The following SDK1 variants were observed in gnomAD, a reference collection of about 807,000 sequenced individuals.
The protein encoded by SDK1 is protein sidekick-1.
Under a neutral mutation model 245.5 loss-of-function variants are expected in SDK1, and 157 were observed. The ratio of observed to expected loss-of-function variants is 0.64; its 90% CI spans 0.56 to 0.73. SDK1 has a LOEUF of 0.73. Ranked by LOEUF, SDK1 falls within the 30% of genes least tolerant of loss-of-function variation. The probability of loss-of-function intolerance (pLI) is 0.00; values close to 1 mark genes in which losing one functional copy is unlikely to be tolerated. For missense variants in SDK1, 3,583 were observed against 3,002.3 expected (o/e 1.19, Z -4.52); for synonymous variants, 1,647 against 1,278.5 (o/e 1.29, Z -6.15).
At chr7:4,001,679 A>C (rs10241063) in intron 14 of SDK1, among the ~76,000 whole-genome samples, 45,124 of 152,180 alleles carry the variant, frequency 0.3, 7,075 homozygotes, top group African/African-American at 0.39. Flanking sequence ...TACAACAGAG[A>C]AAGTCTTCCC....
At chr7:4,161,931 AC>A in intron 32 of SDK1, 75 bp downstream of exon 32, 4 of 1,321,152 alleles carry the variant, frequency 3.0e-6, no homozygotes, top group Non-Finnish European at 4.4e-6. Flanking sequence ...ACAACGGCTG[AC>A]ATGGACTGCA....
At chr7:4,011,452 G>A (rs1190943836) in intron 15 of SDK1, among the ~76,000 whole-genome samples, 1 of 152,190 alleles carries the variant, frequency 6.6e-6, no homozygotes, top group Non-Finnish European at 1.5e-5. Flanking sequence ...CCCCACTGCC[G>A]GGTGGACGCT....
At chr7:3,723,939 TATATAGAGAGAGAGAGAGAGAG>T (rs1216583284) in intron 4 of SDK1, among the ~76,000 whole-genome samples, 1 of 116,712 alleles carries the variant, frequency 8.6e-6, no homozygotes, top group African/African-American at 3.3e-5. Context: ...TATATATATA[TATATAGAGAGAGAGAGAGAGAG>T]AGAGAGAGAG....
intron 4 of SDK1, among the ~76,000 whole-genome samples, chr7:3,747,729 G>A (rs1779666932): frequency 6.6e-6 from 1 of 151,904 alleles, no homozygotes; most frequent in African/African-American, 2.4e-5. Flanking sequence ...ATGGTGAGGG[G>A]TTTTCACTGA....
chr7:3,626,918 G>T (rs1782140272), intron 2 of SDK1, among the ~76,000 whole-genome samples: 1 of 145,824 alleles, frequency 6.9e-6, no homozygotes, highest in Admixed American at 7.0e-5. Flanking sequence ...CTTGACCTCA[G>T]GTTCAACAAT....
chr7:3,845,640 C>A (rs1167766017), intron 5 of SDK1, among the ~76,000 whole-genome samples: 8 of 151,482 alleles, frequency 5.3e-5, no homozygotes, highest in African/African-American at 1.9e-4. Context: ...AGGGTCTCTT[C>A]AGCAGTGGGC....
At chr7:3,875,584 G>A (rs555842011) in intron 5 of SDK1, among the ~76,000 whole-genome samples, 1 of 152,290 alleles carries the variant, frequency 6.6e-6, no homozygotes, top group Admixed American at 6.5e-5. Flanking sequence ...CCCCACTTCA[G>A]CTTCTTCTCC....
At chr7:3,689,823 G>C (rs779313195) in intron 4 of SDK1, among the ~76,000 whole-genome samples, 5 of 152,128 alleles carry the variant, frequency 3.3e-5, no homozygotes, top group Admixed American at 2.0e-4. Context: ...TTTTGAGTCT[G>C]TGTCTACACA....
At chr7:3,303,104 C>T (rs932809986) in intron 1 of SDK1, among the ~76,000 whole-genome samples, 7 of 152,124 alleles carry the variant, frequency 4.6e-5, no homozygotes, top group African/African-American at 1.7e-4. Flanking sequence ...TTATGTTTTA[C>T]TACATGAAAA....
chr7:3,798,671 C>T (rs80207471), intron 4 of SDK1, among the ~76,000 whole-genome samples: 2,509 of 152,228 alleles, frequency 0.016, 75 homozygotes, highest in African/African-American at 0.057. Context: ...GGTGGTCACT[C>T]GGCTAAGGCG....
At chr7:3,645,809 A>G (rs373775424) in intron 4 of SDK1, among the ~76,000 whole-genome samples, 2 of 152,170 alleles carry the variant, frequency 1.3e-5, no homozygotes, top group Non-Finnish European at 1.5e-5. Flanking sequence ...ATTTGACTCA[A>G]GGTGCTTCCC....
Position 4,266,991 on chromosome 7 carries a change from G to GC in SDK1, c.*1611dup, listed in dbSNP as rs1360015264. 1 of 985,442 alleles carries GC rather than the reference G, an allele frequency of 1.0e-6. No individual in the cohort carries two copies. Among genetic ancestry groups the GC allele is most frequent in the East Asian group, 1.1e-4 (1 of 8,822 alleles). 61.0% of individuals were successfully genotyped at this position (985,442 alleles called of 1,614,324 possible). A position where few individuals can be genotyped will look rare whatever the true frequency, so the allele number is the denominator to read the frequency against. ...CTCCTGGCCACATGCAGAAAGTGTG[G>GC]CCCCTGCTTACCTAGATGTTTTGTG... On this transcript the variant is annotated 3_prime_UTR_variant, in exon 45 of 45. Coordinates refer to ENST00000404826, the MANE Select transcript of SDK1 (RefSeq NM_152744.4).
In SDK1 at chr7:3,754,391, A is replaced by T. The variant is rs537040895; in HGVS notation, c.714-67059A>T. Among the ~76,000 whole-genome samples the T allele has an allele frequency of 2.0e-5, 3 of 152,344 alleles. No individual in the cohort carries two copies. In the East Asian group the frequency reaches 5.8e-4, roughly 29 times the overall value. ...TCCCCTGAAATTCAGGTAACTTAGC[A>T]AACTGTTACAGGTGGTGAGAAAGAA... On this transcript the variant is annotated intron_variant, in intron 4 of 44. Coordinates refer to ENST00000404826, the MANE Select transcript of SDK1 (RefSeq NM_152744.4).
intron 32 of SDK1, among the ~76,000 whole-genome samples, chr7:4,162,348 G>A (rs545286839): frequency 4.6e-4 from 59 of 129,348 alleles, no homozygotes; most frequent in Admixed American, 1.3e-3. Context: ...GGTGGTGGTG[G>A]TGGTGGTGGT....
intron 5 of SDK1, among the ~76,000 whole-genome samples, chr7:3,877,920 A>C (rs961561388): frequency 6.6e-6 from 1 of 152,238 alleles, no homozygotes; most frequent in African/African-American, 2.4e-5. Flanking sequence ...CTTACACATA[A>C]GTCTTTTAAT....
chr7:3,981,197 CCTGATCA>C (rs1397952011), intron 13 of SDK1, among the ~76,000 whole-genome samples: 2 of 152,106 alleles, frequency 1.3e-5, no homozygotes, highest in Admixed American at 1.3e-4. Context: ...GATGGCACTC[CCTGATCA>C]CTGATCTTGA....
At chr7:3,430,322 A>C (rs1432703884) in intron 1 of SDK1, among the ~76,000 whole-genome samples, 1 of 152,030 alleles carries the variant, frequency 6.6e-6, no homozygotes, top group African/African-American at 2.4e-5. Context: ...CCTAATTAGT[A>C]ATTAAGGTTA....
At chr7:3,688,269 G>C (rs1387290862) in intron 4 of SDK1, among the ~76,000 whole-genome samples, 1 of 152,182 alleles carries the variant, frequency 6.6e-6, no homozygotes. Context: ...TGTAGATCCA[G>C]GAGGCTGCAG....
At chr7:3,908,791 A>G (rs573508443) in intron 5 of SDK1, among the ~76,000 whole-genome samples, 2 of 152,224 alleles carry the variant, frequency 1.3e-5, no homozygotes, top group African/African-American at 4.8e-5. Flanking sequence ...AGTCAGGAAA[A>G]GGAAGCATTT....
Sources: gnomAD v4.1 joint callset for allele counts (sites outside exome capture counted in the v4.1 genomes callset) on GRCh38, gnomAD v4.1.1 for gene constraint, MANE v1.5 for transcripts, NCBI Gene and HGNC (gene_info 2026-07-23, HGNC 2026-07-21) for gene names.